GPX3: variants seen among roughly 807,000 people sequenced by gnomAD.
The protein encoded by GPX3 is GPx-3.
In GPX3, 22 loss-of-function variants were observed where a neutral mutation model predicts 25.1. The observed-to-expected ratio is 0.88, with a 90% CI of 0.63 to 1.25. The LOEUF is 1.25. Ranked by LOEUF, GPX3 falls within the 50% of genes most tolerant of loss-of-function variation. The pLI is 0.00. For synonymous variants in GPX3, 110 were observed against 114.5 expected (o/e 0.96, Z 0.25); for missense variants, 278 against 286.6 (o/e 0.97, Z 0.22).
intron 1 of GPX3, among the ~76,000 whole-genome samples, chr5:151,022,078 G>A (rs759479540): frequency 6.6e-6 from 1 of 152,126 alleles, no homozygotes; most frequent in Non-Finnish European, 1.5e-5. Flanking sequence ...AAGCCACTTC[G>A]TCCAAGTCCC....
At chr5:151,026,875 C>A in intron 2 of GPX3, 25 bp from the exon 3 acceptor site, 1 of 1,545,986 alleles carries the variant, frequency 6.5e-7, no homozygotes, top group Non-Finnish European at 8.9e-7. Flanking sequence ...GATACTCCCA[C>A]ATCTGCTCTT....
intron 2 of GPX3, among the ~76,000 whole-genome samples, chr5:151,026,194 G>A (rs936448618): frequency 6.6e-6 from 1 of 152,210 alleles, no homozygotes; most frequent in Non-Finnish European, 1.5e-5. Flanking sequence ...AAAGGCAAGC[G>A]ACAGCACCCA....
intron 4 of GPX3, 125 bp downstream of exon 4, chr5:151,027,656 T>C (rs1756572358): frequency 5.7e-6 from 4 of 706,772 alleles, no homozygotes; most frequent in Non-Finnish European, 7.4e-6. Context: ...ACCTGACTAT[T>C]GTTCCAACTA....
chr5:151,027,615 C>G (rs1756571695), intron 4 of GPX3, 84 bp downstream of exon 4: 1 of 879,308 alleles, frequency 1.1e-6, no homozygotes, highest in Non-Finnish European at 1.9e-6. Flanking sequence ...GCCACCTCCC[C>G]TGCTCCTGGG....
Position 151,028,344 on chromosome 5 carries a change from C to A in GPX3, c.*214C>A. 1.8e-6 allele frequency: 1 copy of A among 569,190 alleles called. No homozygotes were observed. The highest frequency in any genetic ancestry group is 3.2e-6 in the Non-Finnish European group (1 of 314,830). The allele number at this position is 569,190 out of a possible 1,614,324, so 35.3% of individuals were successfully genotyped here. The stretch of plus-strand genomic sequence containing the variant: ...GTTTACACACATGCCTACAGGTATG[C>A]GTGATTGTGTGTGTGTGCATGGGTG... On this transcript the variant is annotated 3_prime_UTR_variant, in exon 5 of 5. Transcript: ENST00000388825.
Position 151,028,079 on chromosome 5 carries a change from C to T in GPX3, c.630C>T (p.Asp210=), listed in dbSNP as rs1047991777. 1 of 1,609,878 alleles carries T rather than the reference C, an allele frequency of 6.2e-7. No individual in the cohort carries two copies. Among genetic ancestry groups the T allele is most frequent in the Non-Finnish European group, 8.5e-7 (1 of 1,177,940 alleles). The change falls in exon 5 of 5, where the codon GAC becomes GAT. Residue 210 remains aspartate (D), a synonymous_variant. Coordinates refer to ENST00000388825, the MANE Select transcript of GPX3 (RefSeq NM_002084.5). ...HRTTVSNVKM[D]ILSYMRRQAA... Reference sequence around the variant, plus strand: ...CCACGGTCAGCAACGTCAAGATGGACATCCTGTCCTACATGAGGCGGCAGG... The same window carrying T: ...CCACGGTCAGCAACGTCAAGATGGATATCCTGTCCTACATGAGGCGGCAGG...
chr5:151,027,956 C>A lies in GPX3; in HGVS notation c.507C>A (p.Leu169=), dbSNP rs770375282. The change falls in exon 5 of 5, where the codon CTC becomes CTA. Residue 169 remains leucine (L), a synonymous_variant. Transcript: ENST00000388825. ...AGCTCCTGGGTACATCTGACCGCCT[C>A]TTCTGGGAACCCATGAAGGTTCACG... is the stretch of plus-strand genomic sequence containing the variant. ...TSELLGTSDR[L]FWEPMKVHDI... 6.2e-7 allele frequency: 1 copy of A among 1,614,222 alleles called. No individual in the cohort carries two copies. Among genetic ancestry groups the A allele is most frequent in the South Asian group, 1.1e-5 (1 of 91,082 alleles).
rs1183750323 is a variant in GPX3 at position 151,020,644 on chromosome 5, C to T, written c.-11C>T. On this transcript the variant is annotated 5_prime_UTR_variant, in exon 1 of 5. Transcript: ENST00000388825. ...CGGCTCAGGCGACCCTGAGTGTGCC[C>T]CCACCCCGCCATGGCCCGGCTGCTG... 1.9e-6 allele frequency: 3 copies of T among 1,603,448 alleles called. No individual in the cohort carries two copies. The highest frequency in any genetic ancestry group is 1.7e-6 in the Non-Finnish European group (2 of 1,176,350).
At chr5:151,020,923 C>T (rs1756465628) in intron 1 of GPX3, 182 bp downstream of exon 1, 2 of 690,518 alleles carry the variant, frequency 2.9e-6, no homozygotes, top group Admixed American at 4.1e-5. Flanking sequence ...CGACCGTCGT[C>T]GTCTCGTAGT....
chr5:151,027,420 A>T lies in GPX3; in HGVS notation c.360-12A>T. On this transcript the variant is annotated splice_polypyrimidine_tract_variant and intron_variant, in intron 3 of 4. Transcript: ENST00000388825. ...ACCTCCTTGGGACCCACCTAAGAACATTTCTCAACAGGTATGTCCGACCAG... is the reference window on the plus strand; with the variant it reads ...ACCTCCTTGGGACCCACCTAAGAACTTTTCTCAACAGGTATGTCCGACCAG... 6.3e-7 allele frequency: 1 copy of T among 1,596,746 alleles called. No homozygotes were observed. The highest frequency in any genetic ancestry group is 8.6e-7 in the Non-Finnish European group (1 of 1,164,400).
chr5:151,022,343 A>T (rs1489969960), intron 1 of GPX3, among the ~76,000 whole-genome samples: 1 of 152,234 alleles, frequency 6.6e-6, no homozygotes, highest in Admixed American at 6.5e-5. Flanking sequence ...ACTCTGGGGA[A>T]GGATAAATGG....
At chr5:151,026,075 C>G (rs977060677) in intron 2 of GPX3, among the ~76,000 whole-genome samples, 12 of 152,194 alleles carry the variant, frequency 7.9e-5, no homozygotes, top group African/African-American at 2.9e-4. Context: ...GGTCACAAAG[C>G]TATTAGCGGT....
chr5:151,024,654 C>T (rs1043711584), intron 1 of GPX3, among the ~76,000 whole-genome samples: 21 of 152,200 alleles, frequency 1.4e-4, no homozygotes, highest in African/African-American at 4.6e-4. Flanking sequence ...TCATCACCAG[C>T]CTGCTCAGAC....
intron 4 of GPX3, 119 bp downstream of exon 4, chr5:151,027,650 G>C: frequency 2.8e-6 from 2 of 723,534 alleles, no homozygotes; most frequent in Admixed American, 2.5e-5. Context: ...CTTGGCACCT[G>C]ACTATTGTTC....
At chr5:151,027,295 C>T (rs1756564897) in intron 3 of GPX3, 137 bp from the exon 4 acceptor site, 2 of 666,526 alleles carry the variant, frequency 3.0e-6, no homozygotes, top group Admixed American at 2.7e-5. Flanking sequence ...ATGCCCACTG[C>T]ACATTCACTG....
At chr5:151,024,419 A>G (rs367808554) in intron 1 of GPX3, among the ~76,000 whole-genome samples, 3 of 152,192 alleles carry the variant, frequency 2.0e-5, no homozygotes, top group African/African-American at 7.2e-5. Context: ...TCAAGCCATC[A>G]TGGTTGACCT....
At position 151,027,203 on chromosome 5, in the gene GPX3, G is replaced by A. The variant is rs1305403876; in HGVS notation, c.359+186G>A. 2.6e-5 allele frequency among the ~76,000 whole-genome samples: 4 copies of A among 152,238 alleles called. No individual in the cohort carries two copies. The East Asian group carries it at 7.7e-4, about 29-fold the overall frequency. On this transcript the variant is annotated intron_variant, in intron 3 of 4. Transcript: ENST00000388825. Reference sequence around the variant, plus strand: ...GGACAGGGACAACTGGTTGTGATGTGCATCCGCAGGGAGCACCAAGGTTGA... The same window carrying A: ...GGACAGGGACAACTGGTTGTGATGTACATCCGCAGGGAGCACCAAGGTTGA...
intron 2 of GPX3, 68 bp from the exon 3 acceptor site, chr5:151,026,832 G>C (rs903763397): frequency 4.5e-6 from 5 of 1,108,134 alleles, no homozygotes; most frequent in Non-Finnish European, 5.4e-6. Flanking sequence ...TGAGCCGGGG[G>C]AGTGGTGTGG....
chr5:151,025,594 CGA>C, intron 2 of GPX3, 101 bp downstream of exon 2: 1 of 1,042,746 alleles, frequency 9.6e-7, no homozygotes, highest in Non-Finnish European at 1.4e-6. Flanking sequence ...ATGGCAATCA[CGA>C]GAGTCCAAGC....
Sources: gnomAD v4.1 joint callset for allele counts (sites outside exome capture counted in the v4.1 genomes callset) on GRCh38, gnomAD v4.1.1 for gene constraint, MANE v1.5 for transcripts, NCBI Gene and HGNC (gene_info 2026-07-23, HGNC 2026-07-21) for gene names.